The following CLMP variants were observed in gnomAD, a reference collection of about 807,000 sequenced individuals.
CLMP encodes CXADR-like membrane protein.
In CLMP, 27 loss-of-function variants were observed where a neutral mutation model predicts 45.2. The ratio of observed to expected loss-of-function variants is 0.60; its 90% CI spans 0.44 to 0.82. CLMP has a LOEUF of 0.82. Ranked by LOEUF, CLMP falls within the 40% of genes least tolerant of loss-of-function variation. The probability of loss-of-function intolerance (pLI) is 0.00; values close to 1 mark genes in which losing one functional copy is unlikely to be tolerated. For missense variants in CLMP, 403 were observed against 448.4 expected (o/e 0.90, Z 0.91); for synonymous variants, 167 against 171.4 (o/e 0.97, Z 0.20).
At chr11:123,074,494 T>C (rs1865711848) in intron 6 of CLMP, among the ~76,000 whole-genome samples, 1 of 152,126 alleles carries the variant, frequency 6.6e-6, no homozygotes, top group Admixed American at 6.6e-5. Flanking sequence ...ATTTAACTTT[T>C]AAGTGTTTGT....
At position 123,085,595 on chromosome 11, in the gene CLMP, TAAAAA is replaced by T. The variant is rs35921171; in HGVS notation, c.187-887_187-883del. Among the ~76,000 whole-genome samples the T allele has an allele frequency of 1.2e-4, 10 of 82,102 alleles. No homozygotes were observed. In the South Asian group the frequency reaches 1.4e-3, roughly 11 times the overall value. 53.9% of individuals were successfully genotyped at this position (82,102 alleles called of 152,430 possible). A position where few individuals can be genotyped will look rare whatever the true frequency, so the allele number is the denominator to read the frequency against. The stretch of plus-strand genomic sequence containing the variant: ...ATAAGAAATAAGATAGCTACAAAGA[TAAAAA>T]AAAAAAAAAAAAAAAAGCTTACAGT... On this transcript the variant is annotated intron_variant, in intron 2 of 6. Coordinates refer to ENST00000448775, the MANE Select transcript of CLMP (RefSeq NM_024769.5).
In CLMP at chr11:123,109,734, CA is replaced by C. The variant is rs1860612507; in HGVS notation, c.29-11783del. Among the ~76,000 whole-genome samples, 6 of 152,214 alleles carry C rather than the reference CA, an allele frequency of 3.9e-5. No homozygotes were observed. In the South Asian group the frequency reaches 1.2e-3, roughly 32 times the overall value. On this transcript the variant is annotated intron_variant, in intron 1 of 6. Transcript: ENST00000448775. ...GAAAGACCTGGAGGACATGGGGAAC[CA>C]AGAGATTTATTGACCACCAGTATGA...
chr11:123,190,409 A>C lies in CLMP; in HGVS notation c.28+4504T>G, dbSNP rs142927347. Among the ~76,000 whole-genome samples the C allele has an allele frequency of 1.8e-3, 267 of 152,356 alleles. 1 individual carries two copies. Among genetic ancestry groups the C allele is most frequent in the African/African-American group, 5.9e-3 (244 of 41,584 alleles). ...CATCTGGACCAGCCAGAAAATTCTC[A>C]GAATTAAAAAAAATTCAGAGAATGT... On this transcript the variant is annotated intron_variant, in intron 1 of 6. Coordinates refer to ENST00000448775, the MANE Select transcript of CLMP (RefSeq NM_024769.5).
At chr11:123,076,991 CTT>C (rs869224079) in intron 5 of CLMP, among the ~76,000 whole-genome samples, 5,772 of 99,042 alleles carry the variant, frequency 0.058, 91 homozygotes, top group East Asian at 0.15. Flanking sequence ...GCTATTTATT[CTT>C]TTTTTTTTTT....
intron 1 of CLMP, among the ~76,000 whole-genome samples, chr11:123,118,166 G>C (rs1338335502): frequency 1.3e-5 from 2 of 152,080 alleles, no homozygotes; most frequent in Non-Finnish European, 2.9e-5. Context: ...GTCTCTCTCT[G>C]TTGCCCAGGC....
intron 1 of CLMP, among the ~76,000 whole-genome samples, chr11:123,124,745 T>A (rs957629135): frequency 1.3e-5 from 2 of 152,190 alleles, no homozygotes; most frequent in Admixed American, 1.3e-4. Flanking sequence ...TGCGTACATA[T>A]CCCTGAGGGT....
intron 2 of CLMP, among the ~76,000 whole-genome samples, chr11:123,090,452 C>T (rs951291164): frequency 1.3e-5 from 2 of 151,912 alleles, no homozygotes; most frequent in East Asian, 3.9e-4. Flanking sequence ...TGTGCCAGGC[C>T]GCAGTGATTG....
intron 1 of CLMP, among the ~76,000 whole-genome samples, chr11:123,176,807 A>C (rs974870153): frequency 1.3e-5 from 2 of 152,178 alleles, no homozygotes; most frequent in African/African-American, 4.8e-5. Flanking sequence ...TCATATACTA[A>C]TACTTTATAT....
chr11:123,171,052 A>C (rs1861626163), intron 1 of CLMP, among the ~76,000 whole-genome samples: 1 of 152,194 alleles, frequency 6.6e-6, no homozygotes, highest in African/African-American at 2.4e-5. Context: ...CCACAGCAAA[A>C]AGCAACCAGC....
chr11:123,167,704 C>T (rs1861578157), intron 1 of CLMP, among the ~76,000 whole-genome samples: 1 of 152,314 alleles, frequency 6.6e-6, no homozygotes, highest in South Asian at 2.1e-4. Context: ...ATTATAGCCC[C>T]AGCTCTGAAT....
intron 1 of CLMP, among the ~76,000 whole-genome samples, chr11:123,102,332 G>A (rs934194028): frequency 3.4e-5 from 5 of 145,782 alleles, no homozygotes; most frequent in African/African-American, 7.7e-5. Flanking sequence ...CCAGGCTGGA[G>A]TGCAGTGGCA....
In CLMP at chr11:123,073,585, C is replaced by T. The variant is rs142456942; in HGVS notation, c.1011G>A (p.Gly337=). The stretch of plus-strand genomic sequence containing the variant: ...TTGGTTCAGAACCTCTCACCTCTGG[C>T]CCCACTAGGCTGTATGCCTGGGTGG... ...GLATQAYSLV[G]PEVRGSEPKK... is the part of the protein sequence containing the mutation. Residue 337 remains glycine (G), a synonymous_variant, in exon 7 of 7, where the codon GGG becomes GGA. Transcript: ENST00000448775. The T allele has an allele frequency of 8.3e-3, 13,391 of 1,614,246 alleles. 88 individuals are homozygous for T. Among genetic ancestry groups the T allele is most frequent in the South Asian group, 0.02 (1,828 of 91,088 alleles).
chr11:123,159,440 G>A (rs188021106), intron 1 of CLMP, among the ~76,000 whole-genome samples: 1 of 152,326 alleles, frequency 6.6e-6, no homozygotes, highest in African/African-American at 2.4e-5. Context: ...TCTCCTGTGG[G>A]CAGGCAAGCC....
intron 3 of CLMP, 62 bp from the exon 4 acceptor site, chr11:123,083,909 A>G (rs1414970953): frequency 6.3e-6 from 10 of 1,584,210 alleles, no homozygotes; most frequent in Non-Finnish European, 7.8e-6. Context: ...ACCAGATTCA[A>G]TGGAAAAATT....
At chr11:123,143,631 G>A (rs767495470) in intron 1 of CLMP, among the ~76,000 whole-genome samples, 1 of 152,168 alleles carries the variant, frequency 6.6e-6, no homozygotes, top group Non-Finnish European at 1.5e-5. Context: ...ACAATCACGT[G>A]AGTGATGAGG....
intron 1 of CLMP, among the ~76,000 whole-genome samples, chr11:123,127,368 C>T (rs1336676596): frequency 2.0e-5 from 3 of 152,202 alleles, no homozygotes; most frequent in African/African-American, 4.8e-5. Context: ...GTGATCCACA[C>T]ACCTCGGCCT....
chr11:123,152,252 G>A (rs151045872), intron 1 of CLMP, among the ~76,000 whole-genome samples: 5 of 152,038 alleles, frequency 3.3e-5, no homozygotes, highest in East Asian at 1.9e-4. Context: ...GGCCGGGCAC[G>A]GTGGCTCATG....
chr11:123,167,721 C>T (rs1861578376), intron 1 of CLMP, among the ~76,000 whole-genome samples: 1 of 152,202 alleles, frequency 6.6e-6, no homozygotes, highest in South Asian at 2.1e-4. Flanking sequence ...GAATACGTCA[C>T]CTCCTCACTC....
chr11:123,165,860 C>A (rs1461286277), intron 1 of CLMP, among the ~76,000 whole-genome samples: 1 of 152,118 alleles, frequency 6.6e-6, no homozygotes, highest in Non-Finnish European at 1.5e-5. Context: ...CCACGGGAAG[C>A]AAGGTGATGT....
Sources: gnomAD v4.1 joint callset for allele counts (sites outside exome capture counted in the v4.1 genomes callset) on GRCh38, gnomAD v4.1.1 for gene constraint, MANE v1.5 for transcripts, NCBI Gene and HGNC (gene_info 2026-07-23, HGNC 2026-07-21) for gene names.